Variants in CDH12 observed in about 807,000 individuals in gnomAD.
The protein encoded by CDH12 is cadherin-12.
A neutral mutation model predicts 74.1 loss-of-function variants in CDH12; 41 were observed. That is an observed-to-expected ratio of 0.55 (90% CI 0.43 to 0.72). CDH12 has a LOEUF of 0.72. Ranked by LOEUF, CDH12 falls within the 30% of genes least tolerant of loss-of-function variation. CDH12 has a pLI of 0.00. For missense variants in CDH12, 945 were observed against 977.2 expected, an observed-to-expected ratio of 0.97 and a Z score of 0.44; for synonymous variants, 399 against 355.0, an observed-to-expected ratio of 1.12 and a Z score of -1.39.
intron 2 of CDH12, among the ~76,000 whole-genome samples, chr5:22,465,438 C>T (rs1399492339): frequency 6.6e-6 from 1 of 152,002 alleles, no homozygotes; most frequent in Non-Finnish European, 1.5e-5. Context: ...TTGAGGGCAG[C>T]AGTTTAAAAC....
At chr5:21,986,648 A>T (rs1440626771) in intron 5 of CDH12, among the ~76,000 whole-genome samples, 1 of 152,174 alleles carries the variant, frequency 6.6e-6, no homozygotes, top group Non-Finnish European at 1.5e-5. Context: ...TCTATTTTGA[A>T]TAACAGTAAA....
At chr5:22,281,289 G>A (rs568409809) in intron 3 of CDH12, among the ~76,000 whole-genome samples, 1 of 152,118 alleles carries the variant, frequency 6.6e-6, no homozygotes, top group Non-Finnish European at 1.5e-5. Context: ...GCAACACCTG[G>A]AAGAATTCTC....
chr5:22,797,055 G>A (rs1164206571), intron 1 of CDH12, among the ~76,000 whole-genome samples: 2 of 151,846 alleles, frequency 1.3e-5, no homozygotes, highest in African/African-American at 4.8e-5. Flanking sequence ...ATTTGCTGTA[G>A]ACTGAATGTT....
intron 3 of CDH12, among the ~76,000 whole-genome samples, chr5:22,271,318 C>G (rs1211568862): frequency 6.6e-6 from 1 of 152,176 alleles, no homozygotes; most frequent in Non-Finnish European, 1.5e-5. Flanking sequence ...AGCTTTATCA[C>G]AAGATTGCAG....
At chr5:22,560,332 G>A (rs1329785744) in intron 1 of CDH12, among the ~76,000 whole-genome samples, 1 of 152,118 alleles carries the variant, frequency 6.6e-6, no homozygotes. Flanking sequence ...TGTATCCAGT[G>A]TATCCACGCT....
chr5:22,112,591 C>T (rs753422626), intron 4 of CDH12, among the ~76,000 whole-genome samples: 38 of 152,006 alleles, frequency 2.5e-4, no homozygotes, highest in Non-Finnish European at 4.7e-4. Flanking sequence ...CTGTCATGGT[C>T]GTTTTTTTTC....
chr5:21,907,609 C>T (rs1753697845), intron 6 of CDH12, among the ~76,000 whole-genome samples: 2 of 152,132 alleles, frequency 1.3e-5, no homozygotes, highest in South Asian at 2.1e-4. Context: ...CCCAGCTCTA[C>T]CCCGGGAGCT....
At chr5:21,834,813 A>C (rs1297570562) in intron 8 of CDH12, among the ~76,000 whole-genome samples, 1 of 151,944 alleles carries the variant, frequency 6.6e-6, no homozygotes, top group Non-Finnish European at 1.5e-5. Flanking sequence ...ATTGGCCCAC[A>C]CCATCCCTTC....
At chr5:22,723,079 T>C (rs908122246) in intron 1 of CDH12, among the ~76,000 whole-genome samples, 6 of 152,306 alleles carry the variant, frequency 3.9e-5, no homozygotes, top group South Asian at 2.1e-4. Context: ...GAAAATATAA[T>C]GCTACTGTAA....
At chr5:22,517,097 T>A (rs1458250661) in intron 1 of CDH12, among the ~76,000 whole-genome samples, 1 of 152,130 alleles carries the variant, frequency 6.6e-6, no homozygotes, top group Admixed American at 6.5e-5. Flanking sequence ...ATATACATTT[T>A]AAAAACAGAC....
At chr5:21,818,524 T>C (rs1426638878) in intron 8 of CDH12, among the ~76,000 whole-genome samples, 1 of 151,922 alleles carries the variant, frequency 6.6e-6, no homozygotes, top group African/African-American at 2.4e-5. Flanking sequence ...ATCTCCCTTC[T>C]TCCCTCCTTC....
intron 3 of CDH12, among the ~76,000 whole-genome samples, chr5:22,224,737 CAGTGATTAGTTGAAT>C (rs199807412): frequency 0.025 from 3,840 of 151,932 alleles, 65 homozygotes; most frequent in African/African-American, 0.052. Flanking sequence ...TTTAATTTAA[CAGTGATTAGTTGAAT>C]AGTACATCTC....
intron 3 of CDH12, among the ~76,000 whole-genome samples, chr5:22,373,257 T>C (rs150355030): frequency 0.013 from 1,956 of 152,316 alleles, 24 homozygotes; most frequent in Middle Eastern, 0.02. Flanking sequence ...GATCCAACAG[T>C]TGGCACCCCC....
chr5:22,667,740 A>G (rs1740695353), intron 1 of CDH12, among the ~76,000 whole-genome samples: 1 of 152,232 alleles, frequency 6.6e-6, no homozygotes, highest in African/African-American at 2.4e-5. Flanking sequence ...TGGAATTTTA[A>G]GAATCTATTC....
intron 2 of CDH12, among the ~76,000 whole-genome samples, chr5:22,442,326 C>T (rs1048618111): frequency 1.3e-5 from 2 of 152,080 alleles, no homozygotes; most frequent in South Asian, 2.1e-4. Context: ...TACTAAGTGG[C>T]AGAGTCAATA....
intron 1 of CDH12, among the ~76,000 whole-genome samples, chr5:22,702,520 A>T (rs563639658): frequency 3.9e-5 from 6 of 152,062 alleles, no homozygotes; most frequent in African/African-American, 1.4e-4. Context: ...CTTCTCTTGG[A>T]ATCTCTTCCT....
At chr5:22,415,938 G>C (rs1344186941) in intron 2 of CDH12, among the ~76,000 whole-genome samples, 2 of 151,378 alleles carry the variant, frequency 1.3e-5, no homozygotes, top group Non-Finnish European at 2.9e-5. Context: ...CGAAAGCAGA[G>C]AGTAAACTGC....
chr5:22,365,255 T>G (rs1052448829), intron 3 of CDH12, among the ~76,000 whole-genome samples: 2 of 152,188 alleles, frequency 1.3e-5, no homozygotes, highest in African/African-American at 4.8e-5. Context: ...TTAGTACAGC[T>G]CAAGTATAAG....
At position 22,246,722 on chromosome 5, in the gene CDH12, G is replaced by A. The variant is rs527577379; in HGVS notation, c.-332-34079C>T. Among the ~76,000 whole-genome samples the A allele has an allele frequency of 2.0e-5, 3 of 152,218 alleles. No homozygotes were observed. The East Asian group carries it at 5.8e-4, about 29-fold the overall frequency. On this transcript the variant is annotated intron_variant, in intron 3 of 14. Transcript: ENST00000382254. ...CAAAATGTAAGACTTTTCACAAAAT[G>A]TAAAACTTTTACAACACATTCTCTC...
Sources: gnomAD v4.1 joint callset for allele counts (sites outside exome capture counted in the v4.1 genomes callset) on GRCh38, gnomAD v4.1.1 for gene constraint, MANE v1.5 for transcripts, NCBI Gene and HGNC (gene_info 2026-07-23, HGNC 2026-07-21) for gene names.